The following PPP1R7 variants were observed in gnomAD, a reference collection of about 807,000 sequenced individuals.
PPP1R7 encodes protein phosphatase 1 regulatory subunit 7.
Under a neutral mutation model 45.2 loss-of-function variants are expected in PPP1R7, and 18 were observed. The observed-to-expected ratio is 0.40, with a 90% CI of 0.28 to 0.59. PPP1R7 has a LOEUF of 0.59. Among genes scored for constraint, PPP1R7 ranks in the 20% least tolerant of loss-of-function variants. The pLI is 0.46. For synonymous variants in PPP1R7, 181 were observed against 183.4 expected (o/e 0.99, Z 0.11); for missense variants, 314 against 455.8 (o/e 0.69, Z 2.83).
At chr2:241,164,693 G>A (rs2067667844) in intron 7 of PPP1R7, among the ~76,000 whole-genome samples, 1 of 152,048 alleles carries the variant, frequency 6.6e-6, no homozygotes, top group East Asian at 1.9e-4. Flanking sequence ...GAGCCCAGGA[G>A]TTCAAGACCA....
intron 9 of PPP1R7, among the ~76,000 whole-genome samples, chr2:241,173,916 A>AACTCTAAAATATTTTTTTTTTTTTT (rs2067862638): frequency 6.9e-6 from 1 of 145,330 alleles, no homozygotes. Flanking sequence ...ATTTGGCTTT[A>AACTCTAAAATATTTTTTTTTTTTTT]TTTTTTTTTT....
At chr2:241,165,887 G>A (rs568458783) in intron 7 of PPP1R7, among the ~76,000 whole-genome samples, 19 of 148,930 alleles carry the variant, frequency 1.3e-4, no homozygotes, top group Non-Finnish European at 2.4e-4. Flanking sequence ...GTGAGCCACC[G>A]TGCCCAGCCC....
In PPP1R7 at chr2:241,150,520, C is replaced by A. The variant is rs1452519016; in HGVS notation, c.25C>A (p.Gln9Lys). Reference sequence around the variant, plus strand: ...CATGGCGGCGGAACGCGGCGCGGGGCAGCAACAGTCGCAGGAGATGATGGA... The same window carrying A: ...CATGGCGGCGGAACGCGGCGCGGGGAAGCAACAGTCGCAGGAGATGATGGA... MAAERGAG[Q>K]QQSQEMMEVD... The change falls in exon 1 of 10, where the codon CAG (glutamine) becomes AAG (lysine). Residue 9 changes from glutamine to lysine, a missense_variant. Physicochemically the swap from Gln to Lys is moderately conservative, Grantham distance 53. Around this residue, in one of 3 missense-constraint regions of PPP1R7, gnomAD observed 34 missense variants for 26.0 expected, o/e 1.31. Transcript: ENST00000234038. The A allele has an allele frequency of 6.3e-7, 1 of 1,598,766 alleles. No individual in the cohort carries two copies.
rs1204067730 is a variant in PPP1R7, at chr2:241,160,428, T to C, written c.531T>C (p.Ser177=). The C allele has an allele frequency of 2.4e-5, 38 of 1,612,958 alleles. No individual in the cohort carries two copies. Among genetic ancestry groups the C allele is most frequent in the Non-Finnish European group, 3.2e-5 (38 of 1,179,716 alleles). Residue 177 remains serine (S), a synonymous_variant, in exon 6 of 10, where the codon AGT becomes AGC. Coordinates refer to ENST00000234038, the MANE Select transcript of PPP1R7 (RefSeq NM_002712.3). ...TCTTCTTGGTCAACAATAAAATCAGTAAAATTGAGAACTTAAGCAACTTAC... is the reference window on the plus strand; with the variant it reads ...TCTTCTTGGTCAACAATAAAATCAGCAAAATTGAGAACTTAAGCAACTTAC... ...KKLFLVNNKI[S]KIENLSNLHQ... is the part of the protein sequence containing the mutation.
At chr2:241,166,491 C>T (rs781735950) in intron 8 of PPP1R7, 50 bp downstream of exon 8, 26 of 1,533,994 alleles carry the variant, frequency 1.7e-5, no homozygotes, top group Middle Eastern at 3.4e-4. Flanking sequence ...GGGCACCAGG[C>T]GGGCAGGCAC....
intron 8 of PPP1R7, among the ~76,000 whole-genome samples, chr2:241,168,397 C>T (rs186699272): frequency 9.2e-5 from 14 of 152,296 alleles, no homozygotes; most frequent in Admixed American, 7.8e-4. Context: ...GCTTGCATAC[C>T]AGATGACCAT....
rs2067711013 is a variant in PPP1R7, at chr2:241,166,384, G to A, written c.762G>A (p.Leu254=). Residue 254 remains leucine (L), a synonymous_variant, in exon 8 of 10, where the codon CTG becomes CTA. Coordinates refer to ENST00000234038, the MANE Select transcript of PPP1R7 (RefSeq NM_002712.3). ...AGGGTCTGCAGAACCTGGTGAACCT[G>A]CGGGAGCTGTACCTTAGCCACAATG... ...KIEGLQNLVN[L]RELYLSHNGI... is the part of the protein sequence containing the mutation. 1 of 1,613,938 alleles carries A rather than the reference G, an allele frequency of 6.2e-7. No homozygotes were observed. The highest frequency in any genetic ancestry group is 1.3e-5 in the African/African-American group (1 of 74,928).
intron 5 of PPP1R7, among the ~76,000 whole-genome samples, chr2:241,159,630 G>A (rs1488322293): frequency 6.6e-6 from 1 of 152,142 alleles, no homozygotes; most frequent in Non-Finnish European, 1.5e-5. Flanking sequence ...CTCCATTCAG[G>A]GATGATACTG....
chr2:241,155,999 A>T (rs1466228484), intron 2 of PPP1R7, among the ~76,000 whole-genome samples: 1 of 152,216 alleles, frequency 6.6e-6, no homozygotes, highest in Non-Finnish European at 1.5e-5. Context: ...GTTGATGGTT[A>T]TAGAAAAGGC....
At chr2:241,174,976 A>G (rs564386035) in intron 9 of PPP1R7, among the ~76,000 whole-genome samples, 2 of 152,174 alleles carry the variant, frequency 1.3e-5, no homozygotes, top group Non-Finnish European at 2.9e-5. Context: ...CGCCCGGCCT[A>G]TTCTATCCTA....
chr2:241,157,909 C>T, intron 3 of PPP1R7, 47 bp downstream of exon 3: 4 of 1,558,618 alleles, frequency 2.6e-6, no homozygotes, highest in Non-Finnish European at 3.5e-6. Flanking sequence ...GATGGACCAC[C>T]CTGTCAGGTT....
chr2:241,163,443 A>C (rs752404003), intron 7 of PPP1R7, 42 bp downstream of exon 7: 2 of 1,398,732 alleles, frequency 1.4e-6, no homozygotes, highest in East Asian at 2.3e-5. Flanking sequence ...GAGCCCTGGC[A>C]GGGCCAGCGC....
intron 6 of PPP1R7, among the ~76,000 whole-genome samples, chr2:241,160,826 G>C (rs1251414715): frequency 6.6e-6 from 1 of 152,220 alleles, no homozygotes; most frequent in Non-Finnish European, 1.5e-5. Flanking sequence ...CTTCCTCATG[G>C]TCATCTTCTC....
At chr2:241,160,667 GTCAGTA>G (rs1226350666) in intron 6 of PPP1R7, among the ~76,000 whole-genome samples, 173 bp downstream of exon 6, 2 of 152,226 alleles carry the variant, frequency 1.3e-5, no homozygotes, top group Admixed American at 6.5e-5. Flanking sequence ...CTAACTGAAA[GTCAGTA>G]TCAGTAAGTC....
chr2:241,153,344 A>C (rs934836461), intron 1 of PPP1R7, 132 bp from the exon 2 acceptor site: 13 of 1,226,966 alleles, frequency 1.1e-5, no homozygotes, highest in Non-Finnish European at 1.5e-5. Context: ...GGAGACACTC[A>C]GATGTTCGTT....
intron 9 of PPP1R7, among the ~76,000 whole-genome samples, chr2:241,177,677 A>G (rs983108318): frequency 1.3e-5 from 2 of 152,206 alleles, no homozygotes; most frequent in African/African-American, 4.8e-5. Flanking sequence ...CCCCTGCCAT[A>G]CGCGACTTGT....
At position 241,183,498 on chromosome 2, in the gene PPP1R7, C is replaced by T. The variant is rs898434410; in HGVS notation, c.*675C>T. ...TGTGGGGAGGGTGTCCTGTGTCCCA[C>T]ACGGTGCTGTGCTGCTGCCAGAATA... is the stretch of plus-strand genomic sequence containing the variant. On this transcript the variant is annotated 3_prime_UTR_variant, in exon 10 of 10. Transcript: ENST00000234038. 1.7e-5 allele frequency: 8 copies of T among 470,114 alleles called. No individual in the cohort carries two copies. Among genetic ancestry groups the T allele is most frequent in the Non-Finnish European group, 4.4e-6 (1 of 226,822 alleles). The allele number at this position is 470,114 out of a possible 1,614,324, so 29.1% of individuals were successfully genotyped here. A position where few individuals can be genotyped will look rare whatever the true frequency, so the allele number is the denominator to read the frequency against.
At chr2:241,181,799 C>A (rs1342443754) in intron 9 of PPP1R7, among the ~76,000 whole-genome samples, 3 of 152,236 alleles carry the variant, frequency 2.0e-5, no homozygotes, top group African/African-American at 7.2e-5. Context: ...CCAGCTGCCT[C>A]TTCAGGAGCA....
intron 1 of PPP1R7, chr2:241,151,433 G>A (rs1212870950): frequency 2.1e-6 from 1 of 470,976 alleles, no homozygotes; most frequent in Non-Finnish European, 4.4e-6. Context: ...GGTGACAGCT[G>A]CAGAAGCAGG....
Sources: allele counts gnomAD v4.1 joint callset (sites outside exome capture counted in the v4.1 genomes callset), GRCh38; gene constraint gnomAD v4.1.1; regional missense constraint gnomAD v4.1.1; transcripts MANE v1.5; gene names NCBI Gene and HGNC (gene_info 2026-07-23, HGNC 2026-07-21).